Variants in ITGB8 observed in about 807,000 individuals in gnomAD.
The protein encoded by ITGB8 is integrin beta-8.
A neutral mutation model predicts 89.5 loss-of-function variants in ITGB8; 30 were observed. The observed-to-expected ratio is 0.34, with a 90% CI of 0.25 to 0.45. The LOEUF (loss-of-function observed/expected upper bound fraction) is 0.45. Among genes scored for constraint, ITGB8 ranks in the 20% least tolerant of loss-of-function variants. The pLI, the probability that ITGB8 is intolerant of heterozygous loss-of-function variation, is 1.00. For synonymous variants in ITGB8, 335 were observed against 320.4 expected, an observed-to-expected ratio of 1.05 and a Z score of -0.49; for missense variants, 836 against 933.3, an observed-to-expected ratio of 0.90 and a Z score of 1.36.
In ITGB8 at chr7:20,379,089, A is replaced by C. The variant is rs757639450; in HGVS notation, c.427A>C (p.Lys143Gln). Residue 143 changes from lysine to glutamine, a missense_variant, in exon 4 of 14, where the codon AAG (lysine) becomes CAG (glutamine). Physicochemically the swap from Lys to Gln is moderately conservative, Grantham distance 53. Around this residue, in one of 5 missense-constraint regions of ITGB8, gnomAD observed 182 missense variants for 177.0 expected, o/e 1.03. Coordinates refer to ENST00000222573, the MANE Select transcript of ITGB8 (RefSeq NM_002214.3). Reference sequence around the variant, plus strand: ...TTTTATGCTGAAAGTTCATCCTCTGAAGAAATATCCTGTGGATCTTTATTA... The same window carrying C: ...TTTTATGCTGAAAGTTCATCCTCTGCAGAAATATCCTGTGGATCTTTATTA... ...ANFMLKVHPL[K>Q]KYPVDLYYLV... The C allele has an allele frequency of 6.3e-7, 1 of 1,598,420 alleles. No individual in the cohort carries two copies. Among genetic ancestry groups the C allele is most frequent in the Admixed American group, 1.7e-5 (1 of 58,154 alleles).
chr7:20,390,947 A>G (rs1035953083), intron 6 of ITGB8, among the ~76,000 whole-genome samples: 11 of 152,062 alleles, frequency 7.2e-5, no homozygotes, highest in Non-Finnish European at 1.3e-4. Flanking sequence ...TATATAGTAT[A>G]TGTGGATGTT....
In ITGB8 at chr7:20,412,004, A is replaced by G. The variant is rs1159492790; in HGVS notation, c.*2007A>G. ...ACAGTTTTGCCCATGACAACAAAGGAATCTATCCGAAATATCTTTTTTTTT... is the reference window on the plus strand; with the variant it reads ...ACAGTTTTGCCCATGACAACAAAGGGATCTATCCGAAATATCTTTTTTTTT... On this transcript the variant is annotated 3_prime_UTR_variant, in exon 14 of 14. Transcript: ENST00000222573. 6.6e-6 allele frequency: 1 copy of G among 152,626 alleles called. No individual in the cohort carries two copies. The highest frequency in any genetic ancestry group is 1.5e-5 in the Non-Finnish European group (1 of 68,050). The allele number at this position is 152,626 out of a possible 1,614,324, so 9.5% of individuals were successfully genotyped here. A position where few individuals can be genotyped will look rare whatever the true frequency, so the allele number is the denominator to read the frequency against.
chr7:20,346,600 G>T (rs114494790), intron 1 of ITGB8: 4 of 510,190 alleles, frequency 7.8e-6, no homozygotes, highest in South Asian at 8.3e-5. Context: ...CTTAGGGAAG[G>T]AAGAGACAAG....
chr7:20,387,917 A>C (rs1786694462), intron 6 of ITGB8, among the ~76,000 whole-genome samples: 1 of 152,222 alleles, frequency 6.6e-6, no homozygotes, highest in African/African-American at 2.4e-5. Flanking sequence ...TCCTCTAAAA[A>C]ATCACGCAGA....
chr7:20,389,430 TTTTATGTACA>T lies in ITGB8; in HGVS notation c.961-1969_961-1960del, dbSNP rs564682179. On this transcript the variant is annotated intron_variant, in intron 6 of 13. Coordinates refer to ENST00000222573, the MANE Select transcript of ITGB8 (RefSeq NM_002214.3). ...CAAACTAGAACTTTCTAGATTTAAG[TTTTATGTACA>T]TTTGGTCAAAGTGACTTCCTGTTTT... 1.3e-4 allele frequency among the ~76,000 whole-genome samples: 20 copies of T among 152,292 alleles called. No homozygotes were observed. In the East Asian group the frequency reaches 3.7e-3, roughly 28 times the overall value.
intron 1 of ITGB8, among the ~76,000 whole-genome samples, chr7:20,336,230 C>A (rs1465453333): frequency 6.6e-6 from 1 of 152,148 alleles, no homozygotes; most frequent in Non-Finnish European, 1.5e-5. Context: ...TCGTCTTGAT[C>A]TCCTGACCTC....
intron 1 of ITGB8, among the ~76,000 whole-genome samples, chr7:20,359,203 G>C (rs535796451): frequency 1.3e-5 from 2 of 152,084 alleles, no homozygotes; most frequent in Admixed American, 1.3e-4. Flanking sequence ...GCTTTATGAG[G>C]CACTGAGAAC....
chr7:20,367,418 A>G (rs542847517), intron 3 of ITGB8, among the ~76,000 whole-genome samples: 1 of 152,182 alleles, frequency 6.6e-6, no homozygotes, highest in South Asian at 2.1e-4. Flanking sequence ...TTCTGTTCAC[A>G]TAATCTGATC....
In ITGB8 at chr7:20,412,689, G is replaced by C. The variant is rs940055098; in HGVS notation, c.*2692G>C. On this transcript the variant is annotated 3_prime_UTR_variant, in exon 14 of 14. Transcript: ENST00000222573. Reference sequence around the variant, plus strand: ...GCAAAGTCTTGTGCTTATCTTTTTTGTTTTTACTTAAAAAGCTAATTTTTA... The same window carrying C: ...GCAAAGTCTTGTGCTTATCTTTTTTCTTTTTACTTAAAAAGCTAATTTTTA... The C allele has an allele frequency of 6.6e-6, 1 of 152,348 alleles. No homozygotes were observed. Among genetic ancestry groups the C allele is most frequent in the Non-Finnish European group, 1.5e-5 (1 of 67,940 alleles). The allele number at this position is 152,348 out of a possible 1,614,324, so 9.4% of individuals were successfully genotyped here.
At chr7:20,405,517 A>G (rs1359564846) in intron 11 of ITGB8, among the ~76,000 whole-genome samples, 2 of 148,202 alleles carry the variant, frequency 1.3e-5, no homozygotes, top group Non-Finnish European at 3.0e-5. Flanking sequence ...ACGGGGTTTC[A>G]CCGTGTTAGC....
intron 1 of ITGB8, among the ~76,000 whole-genome samples, chr7:20,350,967 G>A (rs780685553): frequency 1.3e-5 from 2 of 152,182 alleles, no homozygotes; most frequent in East Asian, 1.9e-4. Flanking sequence ...GGGCTTTCAC[G>A]CGAAAACTCA....
intron 1 of ITGB8, among the ~76,000 whole-genome samples, chr7:20,347,655 T>G (rs763267587): frequency 6.6e-6 from 1 of 152,180 alleles, no homozygotes; most frequent in Non-Finnish European, 1.5e-5. Context: ...AGGAACATAA[T>G]GTTTGAGACT....
At position 20,347,541 on chromosome 7, in the gene ITGB8, T is replaced by G. The variant is rs1227122926; in HGVS notation, c.127+15608T>G. Among the ~76,000 whole-genome samples, 3 of 152,292 alleles carry G rather than the reference T, an allele frequency of 2.0e-5. No homozygotes were observed. The East Asian group carries it at 5.8e-4, about 29-fold the overall frequency. ...AAAGTCTTGGTGACTGACAGGTTGT[T>G]GAGGCTGTGGTAGAGAGAGGAGTCA... On this transcript the variant is annotated intron_variant, in intron 1 of 13. Transcript: ENST00000222573.
At chr7:20,331,982 G>C (rs924125050) in intron 1 of ITGB8, 49 bp downstream of exon 1, 11 of 1,591,390 alleles carry the variant, frequency 6.9e-6, no homozygotes, top group Non-Finnish European at 9.4e-6. Context: ...CAAAGGTCTT[G>C]GGCTGGCACG....
chr7:20,383,202 A>C (rs1035914382), intron 6 of ITGB8, among the ~76,000 whole-genome samples: 1 of 152,228 alleles, frequency 6.6e-6, no homozygotes, highest in African/African-American at 2.4e-5. Flanking sequence ...CTAGAGTGGC[A>C]ATTGTATTAC....
Position 20,406,052 on chromosome 7 carries a change from C to T in ITGB8, c.1914-10C>T, listed in dbSNP as rs199733806. 1.3e-6 allele frequency: 2 copies of T among 1,490,702 alleles called. No homozygotes were observed. The highest frequency in any genetic ancestry group is 1.4e-5 in the African/African-American group (1 of 72,330). 92.3% of individuals were successfully genotyped at this position (1,490,702 alleles called of 1,614,324 possible). On this transcript the variant is annotated splice_polypyrimidine_tract_variant and intron_variant, in intron 11 of 13. Transcript: ENST00000222573. The stretch of plus-strand genomic sequence containing the variant: ...AGAATAAATATTTTCACTTCTGTTT[C>T]CCCTTGCAGGAATTGTATGCAATGC...
At chr7:20,334,927 G>C (rs1405530987) in intron 1 of ITGB8, among the ~76,000 whole-genome samples, 1 of 152,120 alleles carries the variant, frequency 6.6e-6, no homozygotes, top group Non-Finnish European at 1.5e-5. Context: ...TTAACCCTAT[G>C]ATTTTTTAAA....
upstream of ITGB8, among the ~76,000 whole-genome samples, chr7:20,330,227 A>C (rs534021055): frequency 4.6e-5 from 7 of 152,254 alleles, no homozygotes; most frequent in East Asian, 1.3e-3. Flanking sequence ...GACTGGTCCA[A>C]CTCTCCAAAG....
intron 3 of ITGB8, among the ~76,000 whole-genome samples, chr7:20,375,884 A>G (rs566677739): frequency 1.3e-5 from 2 of 152,364 alleles, no homozygotes; most frequent in South Asian, 2.1e-4. Context: ...GTGGTAAAGT[A>G]TTAATAGAAA....
Sources: allele counts gnomAD v4.1 joint callset (sites outside exome capture counted in the v4.1 genomes callset), GRCh38; gene constraint gnomAD v4.1.1; regional missense constraint gnomAD v4.1.1; transcripts MANE v1.5; gene names NCBI Gene and HGNC (gene_info 2026-07-23, HGNC 2026-07-21).